The following CCDC178 variants were observed in gnomAD, a reference collection of about 807,000 sequenced individuals.
CCDC178 encodes the protein coiled-coil domain-containing protein 178.
A neutral mutation model predicts 117.4 loss-of-function variants in CCDC178; 126 were observed. The ratio of observed to expected loss-of-function variants is 1.07; its 90% CI spans 0.93 to 1.24. CCDC178 has a LOEUF of 1.24. CCDC178 is among the 50% of genes most tolerant of loss of function. The probability of loss-of-function intolerance (pLI) is 0.00; values close to 1 mark genes in which losing one functional copy is unlikely to be tolerated. For missense variants in CCDC178, 1,030 were observed against 986.9 expected (o/e 1.04, Z -0.59); for synonymous variants, 283 against 313.4 (o/e 0.90, Z 1.02).
intron 22 of CCDC178, among the ~76,000 whole-genome samples, chr18:32,956,386 G>A (rs530482268): frequency 1.3e-5 from 2 of 152,106 alleles, no homozygotes; most frequent in South Asian, 2.1e-4. Flanking sequence ...ACATCATATC[G>A]TATTATACAA....
intron 10 of CCDC178, among the ~76,000 whole-genome samples, chr18:33,329,529 C>A (rs900427352): frequency 6.6e-6 from 1 of 152,094 alleles, no homozygotes; most frequent in African/African-American, 2.4e-5. Context: ...ATTGTTTGTT[C>A]TTCAACTGAG....
Position 33,099,023 on chromosome 18 carries a change from C to T in CCDC178, c.2239-6113G>A, listed in dbSNP as rs1200621851. Among the ~76,000 whole-genome samples the T allele has an allele frequency of 5.3e-5, 8 of 152,002 alleles. No homozygotes were observed. In the East Asian group the frequency reaches 1.2e-3, roughly 22 times the overall value. ...AAGATCGAAGCTGCCCCACCACAAA[C>T]GTTAGTATATATCTGAGCAAATTTG... On this transcript the variant is annotated intron_variant, in intron 20 of 22. Coordinates refer to ENST00000383096, the MANE Select transcript of CCDC178 (RefSeq NM_001105528.4).
chr18:33,355,319 C>T (rs1405674176), intron 7 of CCDC178, among the ~76,000 whole-genome samples: 5 of 152,192 alleles, frequency 3.3e-5, no homozygotes, highest in African/African-American at 9.7e-5. Flanking sequence ...TGTGTAATCA[C>T]TGAAATCTGT....
intron 12 of CCDC178, among the ~76,000 whole-genome samples, chr18:33,271,285 A>C (rs1409623591): frequency 6.6e-6 from 1 of 151,558 alleles, no homozygotes; most frequent in Non-Finnish European, 1.5e-5. Flanking sequence ...CCCTCTAATT[A>C]AAGTATAGAG....
intron 5 of CCDC178, among the ~76,000 whole-genome samples, chr18:33,388,232 G>T (rs1208551609): frequency 6.6e-6 from 1 of 152,156 alleles, no homozygotes; most frequent in African/African-American, 2.4e-5. Flanking sequence ...TAGTGACGTT[G>T]CAGAGAAATA....
At chr18:33,293,135 T>C in intron 12 of CCDC178, 24 bp downstream of exon 12, 1 of 1,465,936 alleles carries the variant, frequency 6.8e-7, no homozygotes, top group Non-Finnish European at 9.3e-7. Context: ...TCAGTATTTT[T>C]TATTTCTAAT....
chr18:33,381,939 G>A (rs1288969663), intron 5 of CCDC178, among the ~76,000 whole-genome samples: 1 of 150,570 alleles, frequency 6.6e-6, no homozygotes, highest in Non-Finnish European at 1.5e-5. Flanking sequence ...AAATATCTCT[G>A]TACCACAATA....
intron 14 of CCDC178, 79 bp from the exon 15 acceptor site, chr18:33,245,507 GATC>G: frequency 8.0e-7 from 1 of 1,244,720 alleles, no homozygotes; most frequent in Non-Finnish European, 1.0e-6. Flanking sequence ...AAAAGAATAA[GATC>G]ATATTTTATG....
intron 20 of CCDC178, among the ~76,000 whole-genome samples, chr18:33,204,441 C>A (rs1009479981): frequency 6.6e-6 from 1 of 151,966 alleles, no homozygotes; most frequent in Non-Finnish European, 1.5e-5. Flanking sequence ...ATAATGACAA[C>A]AATAGAACTG....
intron 21 of CCDC178, among the ~76,000 whole-genome samples, chr18:33,051,779 AAC>A (rs796669856): frequency 2.1e-4 from 32 of 152,328 alleles, no homozygotes; most frequent in African/African-American, 7.7e-4. Flanking sequence ...TATATTTTTA[AAC>A]AGTCTTTGTT....
At chr18:33,002,613 G>T (rs897754212) in intron 21 of CCDC178, among the ~76,000 whole-genome samples, 1 of 151,384 alleles carries the variant, frequency 6.6e-6, no homozygotes, top group African/African-American at 2.4e-5. Flanking sequence ...ACCTAACAAC[G>T]CATCTTAAAG....
intron 15 of CCDC178, among the ~76,000 whole-genome samples, chr18:33,227,470 C>T (rs2059316130): frequency 1.3e-5 from 2 of 150,096 alleles, no homozygotes; most frequent in Admixed American, 1.3e-4. Flanking sequence ...TCTTGGAACC[C>T]CTGATTTGAG....
chr18:33,172,984 A>C (rs917210998), intron 20 of CCDC178, among the ~76,000 whole-genome samples: 3 of 152,170 alleles, frequency 2.0e-5, no homozygotes, highest in Non-Finnish European at 2.9e-5. Flanking sequence ...AATGGTCATT[A>C]TGTACAGCTC....
In CCDC178 at chr18:33,196,951, C is replaced by T. The variant is rs188326188; in HGVS notation, c.2238+14945G>A. Among the ~76,000 whole-genome samples the T allele has an allele frequency of 2.4e-3, 371 of 152,260 alleles. 5 individuals carry two copies. Among genetic ancestry groups the T allele is most frequent in the South Asian group, 0.016 (79 of 4,826 alleles). On this transcript the variant is annotated intron_variant, in intron 20 of 22. Transcript: ENST00000383096. Reference sequence around the variant, plus strand: ...TGCTTGCATTCTGTCTACCTTTTAACTTCAGAAGTCACTTGATCACAAAGT... The same window carrying T: ...TGCTTGCATTCTGTCTACCTTTTAATTTCAGAAGTCACTTGATCACAAAGT...
chr18:33,416,169 T>G (rs2063937437), intron 2 of CCDC178, among the ~76,000 whole-genome samples: 1 of 152,062 alleles, frequency 6.6e-6, no homozygotes, highest in South Asian at 2.1e-4. Flanking sequence ...GGCTCACGCC[T>G]GTAATCCCAG....
At chr18:33,148,945 C>G (rs2058308389) in intron 20 of CCDC178, among the ~76,000 whole-genome samples, 1 of 152,210 alleles carries the variant, frequency 6.6e-6, no homozygotes, top group South Asian at 2.1e-4. Context: ...CTATTCCCAG[C>G]CCCCTTGCTA....
intron 20 of CCDC178, among the ~76,000 whole-genome samples, chr18:33,103,913 A>G (rs2057665240): frequency 6.6e-6 from 1 of 151,788 alleles, no homozygotes; most frequent in African/African-American, 2.4e-5. Context: ...CTCTACAGTG[A>G]TGAGAAGAAA....
At chr18:32,978,870 T>C (rs2055082761) in intron 21 of CCDC178, among the ~76,000 whole-genome samples, 1 of 151,718 alleles carries the variant, frequency 6.6e-6, no homozygotes, top group African/African-American at 2.4e-5. Context: ...AACCCTGTCT[T>C]TACTAAAAAT....
At chr18:33,036,601 G>A (rs2056449591) in intron 21 of CCDC178, among the ~76,000 whole-genome samples, 1 of 151,872 alleles carries the variant, frequency 6.6e-6, no homozygotes, top group Admixed American at 6.6e-5. Context: ...TATGGCACGA[G>A]CAAAAGTCCA....
Sources: gnomAD v4.1 joint callset for allele counts (sites outside exome capture counted in the v4.1 genomes callset) on GRCh38, gnomAD v4.1.1 for gene constraint, MANE v1.5 for transcripts, NCBI Gene and HGNC (gene_info 2026-07-23, HGNC 2026-07-21) for gene names.